LYSMD1: variants seen among roughly 807,000 people sequenced by gnomAD.
LYSMD1 encodes the protein lysM and putative peptidoglycan-binding domain-containing protein 1.
LYSMD1 carries 9 observed loss-of-function variants against 19.3 expected under a neutral mutation model. That is an observed-to-expected ratio of 0.47 (90% CI 0.28 to 0.81). The LOEUF (loss-of-function observed/expected upper bound fraction) is 0.81, where lower values mean the gene tolerates loss of function less well. Among genes scored for constraint, LYSMD1 ranks in the 40% least tolerant of loss-of-function variants. The probability of loss-of-function intolerance (pLI) is 0.11; values close to 1 mark genes in which losing one functional copy is unlikely to be tolerated. For synonymous variants in LYSMD1, 111 were observed against 111.7 expected, an observed-to-expected ratio of 0.99 and a Z score of 0.04; for missense variants, 262 against 279.8, an observed-to-expected ratio of 0.94 and a Z score of 0.45.
At chr1:151,161,128 C>T (rs1339820653) in intron 2 of LYSMD1, 108 bp from the exon 3 acceptor site, 5 of 1,216,800 alleles carry the variant, frequency 4.1e-6, no homozygotes, top group Non-Finnish European at 5.9e-6. Flanking sequence ...AAGCTGGTTG[C>T]TTCAAGACAG....
In LYSMD1 at chr1:151,165,085, C is replaced by G. The variant is rs781691795; in HGVS notation, c.174G>C (p.Gly58=). The stretch of plus-strand genomic sequence containing the variant: ...CCAATCCTGGAAAACTCACCGTCAC[C>G]CCATATTTGAGTGCTAGTCCAGCCA... ...DTLAGLALKY[G]VTMEQIKRAN... The change falls in exon 1 of 3, where the codon GGG becomes GGC. Residue 58 remains glycine, a synonymous_variant. Coordinates refer to ENST00000368908, the MANE Select transcript of LYSMD1 (RefSeq NM_212551.5). 2.5e-6 allele frequency: 4 copies of G among 1,613,810 alleles called. No individual in the cohort carries two copies. The highest frequency in any genetic ancestry group is 3.4e-6 in the Non-Finnish European group (4 of 1,179,876).
chr1:151,154,443 C>A, the LYSMD1 span, among the ~76,000 whole-genome samples: 1 of 147,338 alleles, frequency 6.8e-6, no homozygotes, highest in Non-Finnish European at 1.5e-5. Flanking sequence ...TCACTGCACT[C>A]CAGCCTGGGT....
chr1:151,150,248 T>G, the LYSMD1 span, among the ~76,000 whole-genome samples: 1 of 152,190 alleles, frequency 6.6e-6, no homozygotes, highest in Non-Finnish European at 1.5e-5. Context: ...CAGCCACCAT[T>G]CCCAGTCTTA....
chr1:151,156,663 TTC>T (rs1227402984), downstream of LYSMD1: 1 of 152,282 alleles, frequency 6.6e-6, no homozygotes, highest in Non-Finnish European at 1.5e-5. Flanking sequence ...TAAGTGAAGC[TTC>T]TCCATTCTGT....
chr1:151,163,872 CTA>C (rs1406581122), intron 1 of LYSMD1, among the ~76,000 whole-genome samples: 2 of 141,598 alleles, frequency 1.4e-5, no homozygotes, highest in African/African-American at 6.1e-5. Flanking sequence ...TTCTGATTTC[CTA>C]TCTTTGTGTG....
intron 1 of LYSMD1, among the ~76,000 whole-genome samples, chr1:151,164,417 CAG>C (rs1425598694): frequency 1.3e-5 from 2 of 152,160 alleles, no homozygotes; most frequent in African/African-American, 2.4e-5. Context: ...AACAAGAAAA[CAG>C]GGGCAGGGAT....
the LYSMD1 span, among the ~76,000 whole-genome samples, chr1:151,152,403 GTAAA>G: frequency 8.1e-6 from 1 of 123,654 alleles, no homozygotes; most frequent in Non-Finnish European, 1.7e-5. Context: ...TCTCAAAAAA[GTAAA>G]TAAATAAAAA....
chr1:151,149,327 C>T, the LYSMD1 span, among the ~76,000 whole-genome samples: 1 of 152,184 alleles, frequency 6.6e-6, no homozygotes, highest in Non-Finnish European at 1.5e-5. Flanking sequence ...ACTCAGGTGA[C>T]AGGAGATTGC....
At chr1:151,158,749 C>G, downstream of LYSMD1, 1 of 1,613,448 alleles carries the variant, frequency 6.2e-7, no homozygotes, top group Non-Finnish European at 8.5e-7. Flanking sequence ...GAAGAAGCTA[C>G]TGAGTAAGAT....
At position 151,165,520 on chromosome 1, in the gene LYSMD1, C is replaced by T. The variant is rs1683652520; in HGVS notation, c.-262G>A. ...AAGCACCCCTCCGACTTTGGACTCC[C>T]CCACAACTCCTCGCTACATTGACCT... is the stretch of plus-strand genomic sequence containing the variant. On this transcript the variant is annotated 5_prime_UTR_variant, in exon 1 of 3. Coordinates refer to ENST00000368908, the MANE Select transcript of LYSMD1 (RefSeq NM_212551.5). The T allele has an allele frequency of 6.9e-7, 1 of 1,445,742 alleles. No homozygotes were observed. The highest frequency in any genetic ancestry group is 9.0e-7 in the Non-Finnish European group (1 of 1,105,962). The allele number at this position is 1,445,742 out of a possible 1,614,324, so 89.6% of individuals were successfully genotyped here. A position where few individuals can be genotyped will look rare whatever the true frequency, so the allele number is the denominator to read the frequency against.
Position 151,162,103 on chromosome 1 carries a change from TAA to T in LYSMD1, c.181-5_181-4del. ...TTTGCACGTTTAATCTGTTCCATCT[TAA>T]AAAAAAAAGTCACCAAAATTAAGGA... On this transcript the variant is annotated splice_polypyrimidine_tract_variant and splice_region_variant and intron_variant, in intron 1 of 2. Coordinates refer to ENST00000368908, the MANE Select transcript of LYSMD1 (RefSeq NM_212551.5). The T allele has an allele frequency of 1.3e-6, 2 of 1,483,770 alleles. No homozygotes were observed. The highest frequency in any genetic ancestry group is 2.3e-5 in the Admixed American group (1 of 43,692). The allele number at this position is 1,483,770 out of a possible 1,614,324, so 91.9% of individuals were successfully genotyped here. A position where few individuals can be genotyped will look rare whatever the true frequency, so the allele number is the denominator to read the frequency against.
downstream of LYSMD1, chr1:151,158,742 G>T (rs763359890): frequency 6.2e-7 from 1 of 1,613,000 alleles, no homozygotes; most frequent in Non-Finnish European, 8.5e-7. Context: ...AAGCAGAGAA[G>T]AAGCTACTGA....
intron 1 of LYSMD1, among the ~76,000 whole-genome samples, chr1:151,163,502 A>G (rs975271534): frequency 6.6e-6 from 1 of 151,998 alleles, no homozygotes; most frequent in East Asian, 1.9e-4. Context: ...GAAACTACAG[A>G]TATAGTGTAT....
At position 151,160,621 on chromosome 1, in the gene LYSMD1, T is replaced by C. The variant is rs1286522373; in HGVS notation, c.*261A>G. ...AAAAGGATAGGAAAGGCAACAAGGA[T>C]ATAAAAAGAGCCTTTTGAGTCTAAA... is the stretch of plus-strand genomic sequence containing the variant. On this transcript the variant is annotated 3_prime_UTR_variant, in exon 3 of 3. Coordinates refer to ENST00000368908, the MANE Select transcript of LYSMD1 (RefSeq NM_212551.5). 3.3e-6 allele frequency: 1 copy of C among 301,156 alleles called. No individual in the cohort carries two copies. Among genetic ancestry groups the C allele is most frequent in the Non-Finnish European group, 6.2e-6 (1 of 160,680 alleles). The allele number at this position is 301,156 out of a possible 1,614,324, so 18.7% of individuals were successfully genotyped here.
At chr1:151,162,152 C>T in intron 1 of LYSMD1, 52 bp from the exon 2 acceptor site, 1 of 1,540,362 alleles carries the variant, frequency 6.5e-7, no homozygotes, top group Non-Finnish European at 8.8e-7. Flanking sequence ...ATCAATCTTA[C>T]ATCTTGAGCT....
At position 151,160,907 on chromosome 1, in the gene LYSMD1, T is replaced by C; in HGVS notation, c.659A>G (p.Gln220Arg). 1 of 1,614,064 alleles carries C rather than the reference T, an allele frequency of 6.2e-7. No individual in the cohort carries two copies. The highest frequency in any genetic ancestry group is 8.5e-7 in the Non-Finnish European group (1 of 1,179,916). ...TCAGAGTTTGAAGATTTCATCCTCCTGGTCCCGTAGTGTCCGGGTCCGAGA... is the reference window on the plus strand; with the variant it reads ...TCAGAGTTTGAAGATTTCATCCTCCCGGTCCCGTAGTGTCCGGGTCCGAGA... ...RTSRTRTLRD[Q>R]EDEIFKL Residue 220 changes from glutamine (Q) to arginine (R), a missense_variant, in exon 3 of 3, where the codon CAG becomes CGG. By Grantham distance (43) the Gln-to-Arg change is conservative. Coordinates refer to ENST00000368908, the MANE Select transcript of LYSMD1 (RefSeq NM_212551.5).
intron 1 of LYSMD1, among the ~76,000 whole-genome samples, chr1:151,164,646 T>C (rs988154059): frequency 2.0e-5 from 3 of 152,214 alleles, no homozygotes; most frequent in Non-Finnish European, 2.9e-5. Flanking sequence ...TTAGTTGCTG[T>C]AAACGTTTAA....
At chr1:151,155,208 T>A (rs1022840165), downstream of LYSMD1, among the ~76,000 whole-genome samples, 46 of 152,304 alleles carry the variant, frequency 3.0e-4, no homozygotes, top group African/African-American at 1.1e-3. Context: ...GCCGTCCCCA[T>A]CATCTGGGAC....
chr1:151,162,870 C>T (rs1683501070), intron 1 of LYSMD1, among the ~76,000 whole-genome samples: 3 of 152,190 alleles, frequency 2.0e-5, no homozygotes, highest in Admixed American at 2.0e-4. Context: ...AACAGTTTAA[C>T]TGGCCTTCCT....
Sources: allele counts gnomAD v4.1 joint callset (sites outside exome capture counted in the v4.1 genomes callset), GRCh38; gene constraint gnomAD v4.1.1; transcripts MANE v1.5; gene names NCBI Gene and HGNC (gene_info 2026-07-23, HGNC 2026-07-21).